The following DNAH10 variants were observed in gnomAD, a reference collection of about 807,000 sequenced individuals.
DNAH10 encodes axonemal beta dynein heavy chain 10.
Under a neutral mutation model 506.6 loss-of-function variants are expected in DNAH10, and 348 were observed. That is an observed-to-expected ratio of 0.69 (90% confidence interval 0.63 to 0.75). The LOEUF (loss-of-function observed/expected upper bound fraction) is 0.75. Ranked by LOEUF, DNAH10 falls within the 30% of genes least tolerant of loss-of-function variation. The pLI, the probability that DNAH10 is intolerant of heterozygous loss-of-function variation, is 0.00. For synonymous variants in DNAH10, 2,059 were observed against 2,198.6 expected, an observed-to-expected ratio of 0.94 and a Z score of 1.78; for missense variants, 5,179 against 5,787.1, an observed-to-expected ratio of 0.89 and a Z score of 3.41.
Position 123,846,182 on chromosome 12 carries a change from A to T in DNAH10, c.5814+28A>T. On this transcript the variant is annotated intron_variant, in intron 32 of 78. Transcript: ENST00000673944. This position sits in a 1 kb window ranked among gnomAD's most constrained non-coding sequence, Gnocchi z 4.5. ...GACTGCCAGCCTGGCACTTGTGGTT[A>T]CCACTTACCTTGGGGCGGGGCATTT... The T allele has an allele frequency of 6.3e-7, 1 of 1,597,998 alleles. No homozygotes were observed. The highest frequency in any genetic ancestry group is 8.5e-7 in the Non-Finnish European group (1 of 1,170,966).
intron 78 of DNAH10, 106 bp downstream of exon 78, chr12:123,934,872 C>G: frequency 6.9e-7 from 1 of 1,443,648 alleles, no homozygotes; most frequent in Non-Finnish European, 9.4e-7. Flanking sequence ...ACAGGGGTGC[C>G]TAAGCTTTAT....
intron 43 of DNAH10, 43 bp from the exon 44 acceptor site, chr12:123,870,323 C>T (rs1951976648): frequency 1.9e-6 from 3 of 1,593,724 alleles, no homozygotes; most frequent in Non-Finnish European, 2.6e-6. Flanking sequence ...TTTTGTATTT[C>T]CGTGTTTATG....
At chr12:123,875,619 ATG>A in intron 47 of DNAH10, 128 bp downstream of exon 47, 1 of 1,159,914 alleles carries the variant, frequency 8.6e-7, no homozygotes, top group Non-Finnish European at 1.2e-6. Context: ...GCCTATGAAA[ATG>A]TTTTAATTTC....
At chr12:123,809,153 G>T (rs566410536) in intron 19 of DNAH10, among the ~76,000 whole-genome samples, 200 bp downstream of exon 19, 1 of 152,064 alleles carries the variant, frequency 6.6e-6, no homozygotes, top group Non-Finnish European at 1.5e-5. Flanking sequence ...CCAGAAACTC[G>T]TCCTTGTTTC....
intron 28 of DNAH10, among the ~76,000 whole-genome samples, chr12:123,837,062 A>G (rs1343447613): frequency 1.3e-5 from 2 of 150,896 alleles, no homozygotes; most frequent in African/African-American, 2.4e-5. Context: ...CGTGTTAGCC[A>G]GGATGGTCTC....
intron 12 of DNAH10, among the ~76,000 whole-genome samples, chr12:123,795,548 GCCT>G (rs1033448668): frequency 3.3e-5 from 5 of 152,118 alleles, no homozygotes; most frequent in African/African-American, 1.2e-4. Flanking sequence ...CTCCTTTTCT[GCCT>G]CCTCCTTCCT....
rs560858218 is a variant in DNAH10 at position 123,915,275 on chromosome 12, G to GA, written c.10722+276_10722+277insA. 3.9e-5 allele frequency among the ~76,000 whole-genome samples: 6 copies of GA among 152,296 alleles called. No homozygotes were observed. In the East Asian group the frequency reaches 1.2e-3, roughly 29 times the overall value. ...TCCTCTGTCCAGTACGGGGTTCGTGGTCTGGGTGCTCAGTCACTATTTTTT... is the reference window on the plus strand; with the variant it reads ...TCCTCTGTCCAGTACGGGGTTCGTGGATCTGGGTGCTCAGTCACTATTTTTT... On this transcript the variant is annotated intron_variant, in intron 62 of 78. Coordinates refer to ENST00000673944, the MANE Select transcript of DNAH10 (RefSeq NM_001372106.1).
chr12:123,887,421 G>T (rs910051143), intron 52 of DNAH10, 108 bp downstream of exon 52: 21 of 1,308,356 alleles, frequency 1.6e-5, no homozygotes, highest in Non-Finnish European at 3.0e-6. Context: ...AGCCCTGTGC[G>T]GGTGTACCTG....
At chr12:123,835,356 T>C (rs753404527) in intron 27 of DNAH10, 50 bp from the exon 28 acceptor site, 19 of 1,597,332 alleles carry the variant, frequency 1.2e-5, no homozygotes, top group Non-Finnish European at 7.7e-6. Flanking sequence ...CATCCACTTT[T>C]GGAGGTATCT....
At position 123,846,103 on chromosome 12, in the gene DNAH10, C is replaced by T; in HGVS notation, c.5763C>T (p.Gly1921=). The T allele has an allele frequency of 6.2e-7, 1 of 1,613,964 alleles. No homozygotes were observed. Among genetic ancestry groups the T allele is most frequent in the Non-Finnish European group, 8.5e-7 (1 of 1,179,898 alleles). Residue 1921 remains glycine, a synonymous_variant, in exon 32 of 79, where the codon GGC becomes GGT. Coordinates refer to ENST00000673944, the MANE Select transcript of DNAH10 (RefSeq NM_001372106.1). This position sits in a 1 kb window ranked among gnomAD's most constrained non-coding sequence, Gnocchi z 4.5. ...GYGYEYMGLN[G]RLVITPLTDR... is the part of the protein sequence containing the mutation. Reference sequence around the variant, plus strand: ...GCTACGAGTACATGGGCCTGAACGGCAGGCTGGTCATCACGCCCCTCACCG... The same window carrying T: ...GCTACGAGTACATGGGCCTGAACGGTAGGCTGGTCATCACGCCCCTCACCG...
chr12:123,926,236 TTAA>T lies in DNAH10; in HGVS notation c.11922-400_11922-398del, dbSNP rs1440238687. ...ACAGAGTGAGATTATATATTTCAAT[TTAA>T]AAAAAAAAAAAAAAAAGAAAAAGAA... On this transcript the variant is annotated intron_variant, in intron 68 of 78. Coordinates refer to ENST00000673944, the MANE Select transcript of DNAH10 (RefSeq NM_001372106.1). The surrounding 1 kb of genome is among the most constrained non-coding windows in gnomAD (Gnocchi z 4.1). Among the ~76,000 whole-genome samples the T allele has an allele frequency of 2.2e-5, 3 of 138,682 alleles. No homozygotes were observed. The highest frequency in any genetic ancestry group is 8.7e-5 in the African/African-American group (3 of 34,314). 91.0% of individuals were successfully genotyped at this position (138,682 alleles called of 152,430 possible). A position where few individuals can be genotyped will look rare whatever the true frequency, so the allele number is the denominator to read the frequency against.
chr12:123,781,915 A>AGGAT (rs1157359883), intron 6 of DNAH10, among the ~76,000 whole-genome samples: 1 of 151,656 alleles, frequency 6.6e-6, no homozygotes. Context: ...TTTTGGTGTT[A>AGGAT]GGATGATGGG....
rs866082542 is a variant in DNAH10, at chr12:123,772,878, C to G, written c.441C>G (p.Leu147=). Residue 147 remains leucine, a synonymous_variant, in exon 4 of 79, where the codon CTC becomes CTG. Coordinates refer to ENST00000673944, the MANE Select transcript of DNAH10 (RefSeq NM_001372106.1). ...TGGAAAAGATGCATCTCCACATGCT[C>G]TGTACCCCTCTTCCCGAGGAGTTCC... The part of the protein sequence containing the change: ...HIMEKMHLHM[L]CTPLPEEFLD... 3 of 1,612,726 alleles carry G rather than the reference C, an allele frequency of 1.9e-6. No individual in the cohort carries two copies. Among genetic ancestry groups the G allele is most frequent in the Non-Finnish European group, 2.5e-6 (3 of 1,179,526 alleles).
Position 123,875,229 on chromosome 12 carries a change from A to G in DNAH10, c.7939-2A>G. 1 of 1,605,118 alleles carries G rather than the reference A, an allele frequency of 6.2e-7. No homozygotes were observed. Among genetic ancestry groups the G allele is most frequent in the South Asian group, 1.1e-5 (1 of 89,776 alleles). ...CTCTTTTCTTTTTTAAAAAAAATCAAGGTGGATGAATATGGCACGCAGCAG... is the reference window on the plus strand; with the variant it reads ...CTCTTTTCTTTTTTAAAAAAAATCAGGGTGGATGAATATGGCACGCAGCAG... On this transcript the variant is annotated splice_acceptor_variant, in intron 46 of 78. Transcript: ENST00000673944. LOFTEE classifies it high-confidence loss of function.
chr12:123,834,416 C>G (rs1960918211), intron 27 of DNAH10, among the ~76,000 whole-genome samples: 1 of 152,110 alleles, frequency 6.6e-6, no homozygotes, highest in African/African-American at 2.4e-5. Flanking sequence ...CCATGTTGGC[C>G]AGGCTGGTCT....
At position 123,864,667 on chromosome 12, in the gene DNAH10, G is replaced by T. The variant is rs757073345; in HGVS notation, c.6981G>T (p.Arg2327Ser). ...TGAATTCTGTGATGGATGACAACAG[G>T]TTGTTGACATTGGCCAACGGGGAAC... ...ENMNSVMDDN[R>S]LLTLANGERI... Residue 2327 changes from arginine to serine, a missense_variant, in exon 40 of 79, where the codon AGG becomes AGT. Arg to Ser is a moderately radical substitution (Grantham distance 110). This residue lies in a region of DNAH10 where 4,844 missense variants were observed against 5,430.5 expected (regional missense o/e 0.89). Coordinates refer to ENST00000673944, the MANE Select transcript of DNAH10 (RefSeq NM_001372106.1). 1 of 1,614,000 alleles carries T rather than the reference G, an allele frequency of 6.2e-7. No homozygotes were observed. The highest frequency in any genetic ancestry group is 1.1e-5 in the South Asian group (1 of 91,080).
chr12:123,899,938 C>A (rs185327333), intron 56 of DNAH10, among the ~76,000 whole-genome samples: 1 of 152,326 alleles, frequency 6.6e-6, no homozygotes, highest in Admixed American at 6.5e-5. Context: ...TGTGGCATAT[C>A]CCTGCTGCCT....
chr12:123,806,568 T>A (rs1958680830), intron 18 of DNAH10, among the ~76,000 whole-genome samples: 1 of 152,224 alleles, frequency 6.6e-6, no homozygotes, highest in Non-Finnish European at 1.5e-5. Flanking sequence ...TTTGGAATAA[T>A]ACACTGAAAA....
Position 123,866,010 on chromosome 12 carries a change from G to A in DNAH10, c.7104G>A (p.Val2368=). The stretch of plus-strand genomic sequence containing the variant: ...TCTCTCGATGTGGAATGGTTTATGT[G>A]GATCCTAAAAACTTGAAATATCGAC... The part of the protein sequence containing the change: ...ATVSRCGMVY[V]DPKNLKYRPY... The change falls in exon 41 of 79, where the codon GTG becomes GTA. Residue 2368 remains valine (V), a synonymous_variant. Coordinates refer to ENST00000673944, the MANE Select transcript of DNAH10 (RefSeq NM_001372106.1). The A allele has an allele frequency of 6.2e-7, 1 of 1,611,598 alleles. No homozygotes were observed. The highest frequency in any genetic ancestry group is 8.5e-7 in the Non-Finnish European group (1 of 1,179,168).
Sources: allele counts gnomAD v4.1 joint callset (sites outside exome capture counted in the v4.1 genomes callset), GRCh38; gene constraint gnomAD v4.1.1; regional missense constraint gnomAD v4.1.1; non-coding constraint Gnocchi (gnomAD v3.1); transcripts MANE v1.5; gene names NCBI Gene and HGNC (gene_info 2026-07-23, HGNC 2026-07-21).